The following HOXA6 variants were observed in gnomAD, a reference collection of about 807,000 sequenced individuals.
The protein encoded by HOXA6 is homeobox protein Hox-A6.
HOXA6 carries 19 observed loss-of-function variants against 23.2 expected under a neutral mutation model. That is an observed-to-expected ratio of 0.82 (90% CI 0.57 to 1.20). The LOEUF is 1.20. Among genes scored for constraint, HOXA6 ranks in the 50% most tolerant of loss-of-function variants. The probability of loss-of-function intolerance (pLI) is 0.00; values close to 1 mark genes in which losing one functional copy is unlikely to be tolerated. For synonymous variants in HOXA6, 140 were observed against 132.6 expected (o/e 1.06, Z -0.38); for missense variants, 346 against 313.6 (o/e 1.10, Z -0.78).
At position 27,146,066 on chromosome 7, in the gene HOXA6, T is replaced by G. The variant is rs925002734; in HGVS notation, c.443-149A>C. ...ACTATGTCTGGGGCCCAAAGCATAC[T>G]GAATGGGAGATTATTTCATACCAAG... On this transcript the variant is annotated intron_variant, in intron 1 of 1. Transcript: ENST00000222728. 1.1e-5 allele frequency: 10 copies of G among 897,074 alleles called. No homozygotes were observed. In the African/African-American group the frequency reaches 1.5e-4, roughly 14 times the overall value. 55.6% of individuals were successfully genotyped at this position (897,074 alleles called of 1,614,324 possible).
At chr7:27,145,954 G>A in intron 1 of HOXA6, 37 bp from the exon 2 acceptor site, 1 of 1,594,172 alleles carries the variant, frequency 6.3e-7, no homozygotes, top group African/African-American at 1.3e-5. Context: ...GTAAGCCAGG[G>A]CCTGGAGGGT....
intron 1 of HOXA6, among the ~76,000 whole-genome samples, chr7:27,146,216 G>C (rs887816863): frequency 4.0e-5 from 6 of 151,064 alleles, no homozygotes; most frequent in African/African-American, 1.5e-4. Flanking sequence ...TGCCCAGGTC[G>C]TGTTTTTGTG....
In HOXA6 at chr7:27,147,368, C is replaced by T. The variant is rs753984515; in HGVS notation, c.382G>A (p.Ala128Thr). The T allele has an allele frequency of 3.1e-6, 5 of 1,614,200 alleles. No individual in the cohort carries two copies. Among genetic ancestry groups the T allele is most frequent in the Non-Finnish European group, 4.2e-6 (5 of 1,180,040 alleles). ...GQGKALHDEGADRKYTSPVYP... is the reference protein window; with the variant it reads ...GQGKALHDEGTDRKYTSPVYP... ...ACCGGGCTCGTGTACTTCCGGTCGG[C>T]GCCTTCGTCATGGAGTGCTTTGCCC... The change falls in exon 1 of 2, where the codon GCC (alanine) becomes ACC (threonine). Residue 128 changes from alanine to threonine, a missense_variant. By Grantham distance (58) the Ala-to-Thr change is moderately conservative (BLOSUM62 0). Transcript: ENST00000222728.
rs1228867504 is a variant in HOXA6 at position 27,145,643 on chromosome 7, T to C, written c.*15A>G. 2.5e-6 allele frequency: 4 copies of C among 1,610,292 alleles called. No homozygotes were observed. The East Asian group carries it at 6.7e-5, about 27-fold the overall frequency. ...GAAGGAGGTTGCAGCGCTGGCCTGG[T>C]CCCTGCCCAGGCATCTACTCGCCCG... is the stretch of plus-strand genomic sequence containing the variant. On this transcript the variant is annotated 3_prime_UTR_variant, in exon 2 of 2. Coordinates refer to ENST00000222728, the MANE Select transcript of HOXA6 (RefSeq NM_024014.4).
At chr7:27,147,037 C>G (rs1782792376) in intron 1 of HOXA6, 1 of 526,028 alleles carries the variant, frequency 1.9e-6, no homozygotes, top group Admixed American at 3.4e-5. Context: ...TCAGGCTGTC[C>G]CTGTCACAGG....
At position 27,145,480 on chromosome 7, in the gene HOXA6, T is replaced by G; in HGVS notation, c.*178A>C. The G allele has an allele frequency of 1.3e-6, 1 of 766,824 alleles. No individual in the cohort carries two copies. The highest frequency in any genetic ancestry group is 2.0e-5 in the African/African-American group (1 of 48,976). The allele number at this position is 766,824 out of a possible 1,614,324, so 47.5% of individuals were successfully genotyped here. A position where few individuals can be genotyped will look rare whatever the true frequency, so the allele number is the denominator to read the frequency against. On this transcript the variant is annotated 3_prime_UTR_variant, in exon 2 of 2. Coordinates refer to ENST00000222728, the MANE Select transcript of HOXA6 (RefSeq NM_024014.4). ...TTGTTTTGTTTTGTTTTGTTTTGTT[T>G]TGTTTTGTTTTGTTTTGTAAGAAAT... is the stretch of plus-strand genomic sequence containing the variant.
intron 1 of HOXA6, chr7:27,147,051 C>T: frequency 1.8e-6 from 1 of 556,198 alleles, no homozygotes; most frequent in Non-Finnish European, 3.2e-6. Context: ...TCACAGGTCT[C>T]ATATACGTGC....
At chr7:27,147,235 C>CT in intron 1 of HOXA6, 73 bp downstream of exon 1, 1 of 1,367,190 alleles carries the variant, frequency 7.3e-7, no homozygotes, top group Non-Finnish European at 1.0e-6. Context: ...TCTTTCTACT[C>CT]TGTTTCCTCC....
rs1391954304 is a variant in HOXA6, at chr7:27,147,592, G to A, written c.158C>T (p.Thr53Ile). ...GGACTGTTGGTAGAAACAAGGTGAG[G>A]TGTACGTCTTGTCCGGGAGACTCGA... ...GASSLPDKTY[T>I]SPCFYQQSNS... The change falls in exon 1 of 2, where the codon ACC (threonine) becomes ATC (isoleucine). Residue 53 changes from threonine to isoleucine, a missense_variant. Transcript: ENST00000222728. The A allele has an allele frequency of 1.2e-6, 2 of 1,614,240 alleles. No homozygotes were observed. Among genetic ancestry groups the A allele is most frequent in the Admixed American group, 1.7e-5 (1 of 60,030 alleles).
Position 27,145,423 on chromosome 7 carries a change from C to T in HOXA6, c.*235G>A. ...GGTGTGTGCAGTGCGCCCCGCTCCACCGCTGGTATTGGCTGTGTGTGAGGT... is the reference window on the plus strand; with the variant it reads ...GGTGTGTGCAGTGCGCCCCGCTCCATCGCTGGTATTGGCTGTGTGTGAGGT... On this transcript the variant is annotated 3_prime_UTR_variant, in exon 2 of 2. Coordinates refer to ENST00000222728, the MANE Select transcript of HOXA6 (RefSeq NM_024014.4). 1 of 629,394 alleles carries T rather than the reference C, an allele frequency of 1.6e-6. No individual in the cohort carries two copies. The highest frequency in any genetic ancestry group is 2.7e-6 in the Non-Finnish European group (1 of 370,088). The allele number at this position is 629,394 out of a possible 1,614,324, so 39.0% of individuals were successfully genotyped here.
chr7:27,147,287 C>T (rs1562732220), intron 1 of HOXA6, 21 bp downstream of exon 1: 1 of 1,593,846 alleles, frequency 6.3e-7, no homozygotes, highest in Non-Finnish European at 8.6e-7. Context: ...TCTCCCTCCA[C>T]TGTCTTGGGA....
In HOXA6 at chr7:27,145,539, C is replaced by T. The variant is rs1455274528; in HGVS notation, c.*119G>A. 7.9e-7 allele frequency: 1 copy of T among 1,269,792 alleles called. No individual in the cohort carries two copies. The highest frequency in any genetic ancestry group is 1.5e-5 in the African/African-American group (1 of 67,366). The allele number at this position is 1,269,792 out of a possible 1,614,324, so 78.7% of individuals were successfully genotyped here. ...AGACGCTTGCAAAGCTCCGGGCTCCCCTGAAGCTGCGGAAGCCCCCAGATG... is the reference window on the plus strand; with the variant it reads ...AGACGCTTGCAAAGCTCCGGGCTCCTCTGAAGCTGCGGAAGCCCCCAGATG... On this transcript the variant is annotated 3_prime_UTR_variant, in exon 2 of 2. Transcript: ENST00000222728.
At position 27,145,641 on chromosome 7, in the gene HOXA6, G is replaced by A. The variant is rs1328560989; in HGVS notation, c.*17C>T. Reference sequence around the variant, plus strand: ...CCGAAGGAGGTTGCAGCGCTGGCCTGGTCCCTGCCCAGGCATCTACTCGCC... The same window carrying A: ...CCGAAGGAGGTTGCAGCGCTGGCCTAGTCCCTGCCCAGGCATCTACTCGCC... On this transcript the variant is annotated 3_prime_UTR_variant, in exon 2 of 2. Coordinates refer to ENST00000222728, the MANE Select transcript of HOXA6 (RefSeq NM_024014.4). 8.1e-6 allele frequency: 13 copies of A among 1,609,648 alleles called. No homozygotes were observed. Among genetic ancestry groups the A allele is most frequent in the Non-Finnish European group, 1.1e-5 (13 of 1,177,562 alleles).
chr7:27,147,159 T>C (rs1782796689), intron 1 of HOXA6, 149 bp downstream of exon 1: 1 of 827,258 alleles, frequency 1.2e-6, no homozygotes, highest in African/African-American at 1.7e-5. Context: ...GAACTGATTT[T>C]TTCTTCTCTT....
In HOXA6 at chr7:27,145,901, G is replaced by T; in HGVS notation, c.459C>A (p.Ser153Arg). 1.2e-6 allele frequency: 2 copies of T among 1,612,546 alleles called. No homozygotes were observed. The highest frequency in any genetic ancestry group is 1.7e-6 in the Non-Finnish European group (2 of 1,179,500). The change falls in exon 2 of 2, where the codon AGC becomes AGA. Residue 153 changes from serine to arginine, a missense_variant. Transcript: ENST00000222728. ...AGGTCTGGCGGCCTCGGCGCCCATGGCTCCCATACACAGCACCTACGAGCA... is the reference window on the plus strand; with the variant it reads ...AGGTCTGGCGGCCTCGGCGCCCATGTCTCCCATACACAGCACCTACGAGCA... Reference protein sequence around the residue: ...MNSCAGAVYGSHGRRGRQTYT... With the variant: ...MNSCAGAVYGRHGRRGRQTYT...
intron 1 of HOXA6, 118 bp downstream of exon 1, chr7:27,147,190 T>G: frequency 3.8e-6 from 4 of 1,054,956 alleles, no homozygotes. Flanking sequence ...AAAGAAACTT[T>G]GCTGGTTCTT....
intron 1 of HOXA6, 176 bp downstream of exon 1, chr7:27,147,132 C>T: frequency 1.5e-6 from 1 of 671,050 alleles, no homozygotes; most frequent in Non-Finnish European, 2.5e-6. Context: ...TCTGCCATGG[C>T]CTGATAGCCC....
rs1436047428 is a variant in HOXA6, at chr7:27,147,710, G to A, written c.40C>T (p.Leu14Phe). The change falls in exon 1 of 2, where the codon CTT becomes TTT. Residue 14 changes from leucine (L) to phenylalanine (F), a missense_variant. By Grantham distance (22) the Leu-to-Phe change is conservative (BLOSUM62 0). Coordinates refer to ENST00000222728, the MANE Select transcript of HOXA6 (RefSeq NM_024014.4). ...YFVNPTFPGS[L>F]PSGQDSFLGQ... ...AAGAAGGAGTCCTGGCCGCTGGGAA[G>A]GCTCCCGGGGAAAGTGGGATTCACA... 5 of 1,611,986 alleles carry A rather than the reference G, an allele frequency of 3.1e-6. No individual in the cohort carries two copies. In the Admixed American group the frequency reaches 8.3e-5, roughly 27 times the overall value.
In HOXA6 at chr7:27,145,830, T is replaced by C. The variant is rs780966093; in HGVS notation, c.530A>G (p.Asn177Ser). 3.1e-6 allele frequency: 5 copies of C among 1,614,084 alleles called. No individual in the cohort carries two copies. The highest frequency in any genetic ancestry group is 3.4e-6 in the Non-Finnish European group (4 of 1,180,046). ...GCGGCGGCGCCGTGTCAGGTAGCGGTTGAAGTGGAACTCCTTCTCCAGCTC... is the reference window on the plus strand; with the variant it reads ...GCGGCGGCGCCGTGTCAGGTAGCGGCTGAAGTGGAACTCCTTCTCCAGCTC... ...TLELEKEFHF[N>S]RYLTRRRRIE... The change falls in exon 2 of 2, where the codon AAC becomes AGC. Residue 177 changes from asparagine (N) to serine (S), a missense_variant. Asn to Ser is a conservative substitution (Grantham distance 46). Coordinates refer to ENST00000222728, the MANE Select transcript of HOXA6 (RefSeq NM_024014.4).
Sources: allele counts gnomAD v4.1 joint callset (sites outside exome capture counted in the v4.1 genomes callset), GRCh38; gene constraint gnomAD v4.1.1; transcripts MANE v1.5; gene names NCBI Gene and HGNC (gene_info 2026-07-23, HGNC 2026-07-21).